Variants in SLC44A5 observed in about 807,000 individuals in gnomAD.
The protein encoded by SLC44A5 is choline transporter-like protein 5.
Under a neutral mutation model 101.8 loss-of-function variants are expected in SLC44A5, and 57 were observed. The observed-to-expected ratio is 0.56, with a 90% CI of 0.45 to 0.70. The LOEUF is 0.70. SLC44A5 is among the 30% of genes least tolerant of loss of function. SLC44A5 has a pLI of 0.00. For missense variants in SLC44A5, 737 were observed against 853.1 expected, an observed-to-expected ratio of 0.86 and a Z score of 1.70; for synonymous variants, 281 against 290.9, an observed-to-expected ratio of 0.97 and a Z score of 0.35.
At chr1:75,404,956 C>T (rs1352445357) in intron 2 of SLC44A5, among the ~76,000 whole-genome samples, 1 of 152,210 alleles carries the variant, frequency 6.6e-6, no homozygotes, top group East Asian at 1.9e-4. Flanking sequence ...AGACCCATCT[C>T]ACGTGCAAAG....
intron 17 of SLC44A5, among the ~76,000 whole-genome samples, 185 bp downstream of exon 17, chr1:75,218,305 T>C (rs886327095): frequency 3.3e-5 from 5 of 152,120 alleles, no homozygotes; most frequent in African/African-American, 7.2e-5. Flanking sequence ...TAGAAGGAAA[T>C]TGGCTTGGGT....
At chr1:75,558,421 G>A (rs1159891289) in intron 1 of SLC44A5, among the ~76,000 whole-genome samples, 1 of 152,096 alleles carries the variant, frequency 6.6e-6, no homozygotes, top group Non-Finnish European at 1.5e-5. Context: ...CCATCACGCT[G>A]TACTAAAATT....
At chr1:75,394,414 A>G (rs1314423249) in intron 3 of SLC44A5, among the ~76,000 whole-genome samples, 1 of 152,148 alleles carries the variant, frequency 6.6e-6, no homozygotes. Context: ...AGCGTGATGA[A>G]AGGGTTAATT....
chr1:75,267,414 G>T (rs1651088297), intron 6 of SLC44A5, among the ~76,000 whole-genome samples: 1 of 151,816 alleles, frequency 6.6e-6, no homozygotes, highest in East Asian at 1.9e-4. Flanking sequence ...ATTTAATTTT[G>T]GAAAATTCGG....
At chr1:75,245,786 A>G (rs2100621787) in intron 7 of SLC44A5, among the ~76,000 whole-genome samples, 1 of 152,276 alleles carries the variant, frequency 6.6e-6, no homozygotes, top group Non-Finnish European at 1.5e-5. Flanking sequence ...TTAAAAAACA[A>G]TACAACTGCA....
At chr1:75,228,441 A>T (rs1293515490) in intron 12 of SLC44A5, among the ~76,000 whole-genome samples, 2 of 151,984 alleles carry the variant, frequency 1.3e-5, no homozygotes, top group Non-Finnish European at 2.9e-5. Context: ...CTGTTTCCTT[A>T]CATGTTGTAT....
intron 2 of SLC44A5, among the ~76,000 whole-genome samples, chr1:75,457,964 C>A (rs1858625): frequency 3.3e-5 from 5 of 152,144 alleles, no homozygotes; most frequent in Admixed American, 6.5e-5. Context: ...ATGTGTCAAA[C>A]CCTGAGGATA....
chr1:75,703,607 C>T, the SLC44A5 span, among the ~76,000 whole-genome samples: 1 of 151,502 alleles, frequency 6.6e-6, no homozygotes, highest in African/African-American at 2.4e-5. Flanking sequence ...CACATGTATA[C>T]ATATGCAACT....
intron 2 of SLC44A5, among the ~76,000 whole-genome samples, chr1:75,471,415 A>T (rs1667104569): frequency 6.6e-6 from 1 of 152,070 alleles, no homozygotes; most frequent in Non-Finnish European, 1.5e-5. Flanking sequence ...ACACGTACAC[A>T]CACACACACC....
intron 2 of SLC44A5, among the ~76,000 whole-genome samples, chr1:75,444,758 G>C (rs1459164111): frequency 6.6e-6 from 1 of 152,068 alleles, no homozygotes; most frequent in Non-Finnish European, 1.5e-5. Context: ...TCCTACAGTG[G>C]AGCAGAGGCA....
the SLC44A5 span, among the ~76,000 whole-genome samples, chr1:75,703,443 T>C: frequency 6.7e-6 from 1 of 149,842 alleles, no homozygotes; most frequent in East Asian, 2.0e-4. Context: ...TTCTCACTCA[T>C]AGGTGGGAAT....
At chr1:75,573,127 C>CAAAAAAAAAAAAAAAAAA in intron 1 of SLC44A5, among the ~76,000 whole-genome samples, 1 of 16,688 alleles carries the variant, frequency 6.0e-5, no homozygotes, top group Non-Finnish European at 1.0e-4. Flanking sequence ...GGCTCCATCT[C>CAAAAAAAAAAAAAAAAAA]AAAAAAAAAA....
the SLC44A5 span, chr1:75,641,749 A>G: frequency 7.0e-6 from 11 of 1,580,358 alleles, no homozygotes; most frequent in Non-Finnish European, 9.6e-6. Context: ...TGAGTTTTGC[A>G]TAGGCAACCA....
At chr1:75,679,497 A>G in the SLC44A5 span, among the ~76,000 whole-genome samples, 17 of 152,126 alleles carry the variant, frequency 1.1e-4, no homozygotes, top group Admixed American at 9.2e-4. Context: ...CCAGAATTTC[A>G]TATCCAGCCA....
chr1:75,265,138 A>G (rs560917920), intron 6 of SLC44A5, among the ~76,000 whole-genome samples: 22 of 152,324 alleles, frequency 1.4e-4, no homozygotes, highest in African/African-American at 5.1e-4. Context: ...AGAAAAGTTC[A>G]GGACCAGATG....
the SLC44A5 span, among the ~76,000 whole-genome samples, chr1:75,649,240 C>T: frequency 1.3e-5 from 2 of 152,088 alleles, no homozygotes; most frequent in African/African-American, 4.8e-5. Context: ...TGTCTTAATC[C>T]CTAAGGCAAC....
intron 4 of SLC44A5, among the ~76,000 whole-genome samples, chr1:75,318,694 A>C (rs1367815165): frequency 6.6e-6 from 1 of 152,134 alleles, no homozygotes; most frequent in Non-Finnish European, 1.5e-5. Flanking sequence ...TCTGGCTTTC[A>C]ATGTGGAAGC....
At chr1:75,596,936 G>T (rs1024060311) in intron 1 of SLC44A5, among the ~76,000 whole-genome samples, 1 of 152,104 alleles carries the variant, frequency 6.6e-6, no homozygotes, top group African/African-American at 2.4e-5. Flanking sequence ...CATAGTATTA[G>T]AAGTCCTGGC....
At chr1:75,699,854 T>C in the SLC44A5 span, among the ~76,000 whole-genome samples, 1 of 151,942 alleles carries the variant, frequency 6.6e-6, no homozygotes, top group Non-Finnish European at 1.5e-5. Context: ...GGGGTTGCAA[T>C]CCTAGTCTCT....
Sources: allele counts gnomAD v4.1 joint callset (sites outside exome capture counted in the v4.1 genomes callset), GRCh38; gene constraint gnomAD v4.1.1; transcripts MANE v1.5; gene names NCBI Gene and HGNC (gene_info 2026-07-23, HGNC 2026-07-21).